RAP1A: variants seen among roughly 807,000 people sequenced by gnomAD.
RAP1A encodes the protein RAP1A, member of RAS oncogene family.
RAP1A carries 6 observed loss-of-function variants against 26.4 expected under a neutral mutation model. The observed-to-expected ratio is 0.23, with a 90% CI of 0.12 to 0.45. The LOEUF (loss-of-function observed/expected upper bound fraction) is 0.45, where lower values mean the gene tolerates loss of function less well. Among genes scored for constraint, RAP1A ranks in the 20% least tolerant of loss-of-function variants. The pLI is 0.99. For missense variants in RAP1A, 121 were observed against 217.2 expected, an observed-to-expected ratio of 0.56 and a Z score of 2.78; for synonymous variants, 73 against 79.4, an observed-to-expected ratio of 0.92 and a Z score of 0.43.
intron 1 of RAP1A, among the ~76,000 whole-genome samples, chr1:111,569,459 AC>A (rs1295329765): frequency 1.4e-4 from 21 of 151,556 alleles, no homozygotes; most frequent in African/African-American, 5.1e-4. Context: ...CCCTAACCTA[AC>A]CCCTTCATTA....
chr1:111,672,558 A>G (rs1418470456), intron 1 of RAP1A, among the ~76,000 whole-genome samples: 2 of 152,156 alleles, frequency 1.3e-5, no homozygotes, highest in Admixed American at 6.5e-5. Flanking sequence ...TCTGGCAACC[A>G]TGTCTTTCTC....
intron 1 of RAP1A, among the ~76,000 whole-genome samples, chr1:111,551,971 A>G (rs1479266104): frequency 6.6e-6 from 1 of 152,252 alleles, no homozygotes; most frequent in Non-Finnish European, 1.5e-5. Flanking sequence ...CTAAATTCCC[A>G]GAAATGTAAG....
intron 2 of RAP1A, 122 bp from the exon 3 acceptor site, chr1:111,695,219 C>T (rs2101258431): frequency 1.7e-6 from 1 of 583,812 alleles, no homozygotes; most frequent in Non-Finnish European, 2.8e-6. Context: ...ATATACTTTA[C>T]ATTTACGTGT....
intron 1 of RAP1A, among the ~76,000 whole-genome samples, chr1:111,659,424 G>C (rs1660563311): frequency 6.6e-6 from 1 of 152,084 alleles, no homozygotes; most frequent in African/African-American, 2.4e-5. Flanking sequence ...CTATGGATGG[G>C]GGGGTCTACT....
At chr1:111,641,357 A>G (rs1659885700) in intron 1 of RAP1A, among the ~76,000 whole-genome samples, 1 of 152,288 alleles carries the variant, frequency 6.6e-6, no homozygotes, top group Middle Eastern at 3.4e-3. Context: ...AGAGGAGAGA[A>G]CGTATAGTGT....
intron 1 of RAP1A, among the ~76,000 whole-genome samples, chr1:111,689,332 T>G (rs1661597569): frequency 6.6e-6 from 1 of 151,838 alleles, no homozygotes; most frequent in Non-Finnish European, 1.5e-5. Flanking sequence ...CCCTCTCTCC[T>G]GTCTCCCTTT....
At chr1:111,695,268 A>C in intron 2 of RAP1A, 73 bp from the exon 3 acceptor site, 2 of 1,090,866 alleles carry the variant, frequency 1.8e-6, no homozygotes, top group South Asian at 3.2e-5. Context: ...TAATCATTAT[A>C]ATTTGTAGGT....
At chr1:111,696,514 A>G (rs528722842) in intron 3 of RAP1A, among the ~76,000 whole-genome samples, 1 of 152,286 alleles carries the variant, frequency 6.6e-6, no homozygotes, top group African/African-American at 2.4e-5. Flanking sequence ...GGGGTGGATG[A>G]GTTTGTGGTC....
chr1:111,619,599 A>G (rs1373555406), upstream of RAP1A, among the ~76,000 whole-genome samples: 1 of 152,192 alleles, frequency 6.6e-6, no homozygotes, highest in Non-Finnish European at 1.5e-5. Flanking sequence ...ACGCAAAGCT[A>G]AAACTCCCCG....
intron 1 of RAP1A, among the ~76,000 whole-genome samples, chr1:111,543,303 A>G (rs1024048794): frequency 6.6e-6 from 1 of 152,082 alleles, no homozygotes; most frequent in African/African-American, 2.4e-5. Context: ...TCACCTTAAA[A>G]TCAGAGAAGA....
In RAP1A at chr1:111,546,920, G is replaced by A. The variant is rs141439196; in HGVS notation, c.-28+4411G>A. On this transcript the variant is annotated intron_variant, in intron 1 of 7. Transcript: ENST00000356415. ...CCAAGGAATTTAATTTCTCCATATC[G>A]TCACCAACATTGTTATTTTCTGTTT... Among the ~76,000 whole-genome samples, 39 of 152,080 alleles carry A rather than the reference G, an allele frequency of 2.6e-4. 1 individual carries two copies. The highest frequency in any genetic ancestry group is 9.6e-4 in the East Asian group (5 of 5,186).
chr1:111,628,557 A>G (rs1210936546), intron 1 of RAP1A, among the ~76,000 whole-genome samples: 4 of 152,218 alleles, frequency 2.6e-5, no homozygotes, highest in Non-Finnish European at 5.9e-5. Flanking sequence ...TGACTTGATA[A>G]AAGCATTCAT....
intron 1 of RAP1A, among the ~76,000 whole-genome samples, chr1:111,641,138 T>C (rs544451854): frequency 2.2e-4 from 33 of 152,368 alleles, no homozygotes; most frequent in African/African-American, 7.5e-4. Context: ...TGTACATATA[T>C]GCATATATAG....
At chr1:111,669,704 C>T (rs1455996548) in intron 1 of RAP1A, among the ~76,000 whole-genome samples, 1 of 152,128 alleles carries the variant, frequency 6.6e-6, no homozygotes, top group Admixed American at 6.5e-5. Context: ...AGTTGTCTAA[C>T]CAGAATTTCA....
chr1:111,688,817 T>TG (rs1487613758), intron 1 of RAP1A, among the ~76,000 whole-genome samples: 3 of 72,818 alleles, frequency 4.1e-5, no homozygotes, highest in African/African-American at 1.6e-4. Context: ...TGTTTTTTTT[T>TG]TTTTGTTTTT....
chr1:111,545,360 T>G (rs1209968819), intron 1 of RAP1A, among the ~76,000 whole-genome samples: 1 of 152,150 alleles, frequency 6.6e-6, no homozygotes, highest in African/African-American at 2.4e-5. Flanking sequence ...AATTTGCATT[T>G]GTGTAATGAC....
chr1:111,555,112 T>C (rs1342312323), intron 1 of RAP1A, among the ~76,000 whole-genome samples: 2 of 152,098 alleles, frequency 1.3e-5, no homozygotes, highest in African/African-American at 2.4e-5. Flanking sequence ...ACACCTGTAA[T>C]TCCAACACTC....
chr1:111,558,352 AT>A (rs5777065), intron 1 of RAP1A, among the ~76,000 whole-genome samples: 82,351 of 144,914 alleles, frequency 0.57, 23,700 homozygotes, highest in African/African-American at 0.73. Context: ...TAATTTTTCT[AT>A]TTTTTTTTTT....
chr1:111,677,792 G>A (rs1661173584), intron 1 of RAP1A, among the ~76,000 whole-genome samples: 1 of 152,082 alleles, frequency 6.6e-6, no homozygotes, highest in African/African-American at 2.4e-5. Context: ...GTATCGTATT[G>A]GTCACATGAC....
Sources: gnomAD v4.1 joint callset for allele counts (sites outside exome capture counted in the v4.1 genomes callset) on GRCh38, gnomAD v4.1.1 for gene constraint, MANE v1.5 for transcripts, NCBI Gene and HGNC (gene_info 2026-07-23, HGNC 2026-07-21) for gene names.